CSNK2A2IP: variants seen among roughly 807,000 people sequenced by gnomAD.
CSNK2A2IP encodes the protein casein kinase 2 subunit alpha' interacting protein.
the CSNK2A2IP span, among the ~76,000 whole-genome samples, chr3:88,373,527 AAAG>A: frequency 2.0e-5 from 3 of 151,222 alleles, no homozygotes; most frequent in Non-Finnish European, 4.4e-5. Flanking sequence ...TTCCCCCACA[AAAG>A]AAGAGAGATT....
chr3:88,377,692 C>T, the CSNK2A2IP span, among the ~76,000 whole-genome samples: 2 of 151,786 alleles, frequency 1.3e-5, no homozygotes, highest in Non-Finnish European at 2.9e-5. Flanking sequence ...AACACAGTCA[C>T]TCTTAATATC....
chr3:88,464,691 CTTTT>C, the CSNK2A2IP span, among the ~76,000 whole-genome samples: 1 of 151,900 alleles, frequency 6.6e-6, no homozygotes, highest in African/African-American at 2.4e-5. Context: ...TTGAAGTTTT[CTTTT>C]TATTTTTCTC....
chr3:88,439,553 C>A, the CSNK2A2IP span, among the ~76,000 whole-genome samples: 1 of 151,476 alleles, frequency 6.6e-6, no homozygotes, highest in Admixed American at 6.6e-5. Context: ...ACCATCCTGG[C>A]CAAAATGGTG....
the CSNK2A2IP span, among the ~76,000 whole-genome samples, chr3:88,371,446 A>G: frequency 1.3e-5 from 2 of 151,822 alleles, no homozygotes; most frequent in African/African-American, 4.8e-5. Context: ...GTTCAAAAGT[A>G]GATTGGAGAT....
At chr3:88,445,275 CAAA>C in the CSNK2A2IP span, among the ~76,000 whole-genome samples, 20 of 47,772 alleles carry the variant, frequency 4.2e-4, no homozygotes, top group African/African-American at 1.2e-3. Context: ...GTAAAAATAC[CAAA>C]AAAAAAAAAA....
chr3:88,414,599 A>T, the CSNK2A2IP span, among the ~76,000 whole-genome samples: 1 of 151,846 alleles, frequency 6.6e-6, no homozygotes, highest in Non-Finnish European at 1.5e-5. Flanking sequence ...ATTTTTTAAC[A>T]GGATTTTTAA....
chr3:88,434,365 A>G, the CSNK2A2IP span, among the ~76,000 whole-genome samples: 1 of 152,064 alleles, frequency 6.6e-6, no homozygotes. Flanking sequence ...AAAAAAAAAT[A>G]AAATATTTGT....
the CSNK2A2IP span, among the ~76,000 whole-genome samples, chr3:88,456,791 G>C: frequency 6.6e-6 from 1 of 151,116 alleles, no homozygotes; most frequent in Admixed American, 6.6e-5. Context: ...TTTCCCAACT[G>C]TGTATTTTGT....
the CSNK2A2IP span, among the ~76,000 whole-genome samples, chr3:88,348,673 G>A: frequency 1.3e-5 from 2 of 151,952 alleles, no homozygotes; most frequent in Non-Finnish European, 1.5e-5. Context: ...ATTCTTTTGT[G>A]TAAACACTCT....
chr3:88,339,007 AAC>A, the CSNK2A2IP span, among the ~76,000 whole-genome samples: 1 of 152,086 alleles, frequency 6.6e-6, no homozygotes, highest in Non-Finnish European at 1.5e-5. Flanking sequence ...GTAATGTTCA[AAC>A]CAGGGTAATT....
the CSNK2A2IP span, among the ~76,000 whole-genome samples, chr3:88,398,387 T>A: frequency 6.6e-6 from 1 of 152,130 alleles, no homozygotes; most frequent in Non-Finnish European, 1.5e-5. Flanking sequence ...GCCCTTGAAC[T>A]CTTAAATTAT....
At chr3:88,440,374 T>C in the CSNK2A2IP span, among the ~76,000 whole-genome samples, 5 of 152,276 alleles carry the variant, frequency 3.3e-5, no homozygotes, top group Admixed American at 2.6e-4. Context: ...TAGCTTATTA[T>C]AGATTAATAC....
chr3:88,467,114 T>A, the CSNK2A2IP span: 1 of 466,258 alleles, frequency 2.1e-6, no homozygotes, highest in Non-Finnish European at 3.5e-6. Flanking sequence ...AACAAAGTTA[T>A]AGGCCAACAG....
the CSNK2A2IP span, among the ~76,000 whole-genome samples, chr3:88,449,136 G>C: frequency 1.3e-5 from 2 of 151,892 alleles, no homozygotes; most frequent in African/African-American, 4.8e-5. Flanking sequence ...TGAGAAAAAA[G>C]ATAAACTATT....
At chr3:88,373,148 A>G in the CSNK2A2IP span, among the ~76,000 whole-genome samples, 1 of 151,476 alleles carries the variant, frequency 6.6e-6, no homozygotes, top group African/African-American at 2.4e-5. Context: ...TGTTATTTAT[A>G]AAATACTCTA....
the CSNK2A2IP span, among the ~76,000 whole-genome samples, chr3:88,374,343 T>C: frequency 6.6e-6 from 1 of 151,532 alleles, no homozygotes; most frequent in African/African-American, 2.4e-5. Context: ...TCAAGTGGAG[T>C]TGCCAGCTGG....
chr3:88,377,808 A>G, the CSNK2A2IP span, among the ~76,000 whole-genome samples: 2 of 151,906 alleles, frequency 1.3e-5, no homozygotes, highest in Non-Finnish European at 2.9e-5. Flanking sequence ...GATTTTAACC[A>G]ACACACAGAA....
At chr3:88,378,101 T>A in the CSNK2A2IP span, among the ~76,000 whole-genome samples, 58,150 of 151,772 alleles carry the variant, frequency 0.38, 14,148 homozygotes, top group South Asian at 0.6. Flanking sequence ...ACAGTTATAA[T>A]TGTTATGCTG....
chr3:88,374,667 T>C, the CSNK2A2IP span, among the ~76,000 whole-genome samples: 2 of 151,814 alleles, frequency 1.3e-5, no homozygotes, highest in South Asian at 4.1e-4. Flanking sequence ...TTAATTATGC[T>C]ACAGCCAAAC....
Sources: allele counts gnomAD v4.1 joint callset (sites outside exome capture counted in the v4.1 genomes callset), GRCh38; gene constraint gnomAD v4.1.1; transcripts MANE v1.5; gene names NCBI Gene and HGNC (gene_info 2026-07-23, HGNC 2026-07-21).